The following UTS2B variants were observed in gnomAD, a reference collection of about 807,000 sequenced individuals.
The protein encoded by UTS2B is urotensin-2B.
UTS2B carries 21 observed loss-of-function variants against 19.2 expected under a neutral mutation model. The observed-to-expected ratio is 1.09, with a 90% CI of 0.78 to 1.58. The LOEUF (loss-of-function observed/expected upper bound fraction) is 1.58. Among genes scored for constraint, UTS2B ranks in the 40% most tolerant of loss-of-function variants. UTS2B has a pLI of 0.00. For synonymous variants in UTS2B, 57 were observed against 50.2 expected (o/e 1.14, Z -0.58); for missense variants, 138 against 130.3 (o/e 1.06, Z -0.29).
In UTS2B at chr3:191,282,148, TAGGAGTCCAA is replaced by T. The variant is rs781483481; in HGVS notation, c.32_41del (p.Phe11Ter). 5.0e-6 allele frequency: 8 copies of T among 1,613,482 alleles called. No individual in the cohort carries two copies. In the South Asian group the frequency reaches 8.8e-5, roughly 18 times the overall value. On this transcript the variant is annotated frameshift_variant, in exon 5 of 9. Transcript: ENST00000340524. LOFTEE classifies it high-confidence loss of function. ...AAAAACTCAACACGGATAACAAAGT[TAGGAGTCCAA>T]AGCAAACAGTGCTTGAGAGGATCTT...
At chr3:191,332,861 T>A (rs904118866), upstream of UTS2B, among the ~76,000 whole-genome samples, 3 of 152,180 alleles carry the variant, frequency 2.0e-5, no homozygotes, top group Admixed American at 1.3e-4. Flanking sequence ...TTTAGCCCTC[T>A]CTAACCAAGA....
chr3:191,324,117 T>C (rs1404990258), intron 2 of UTS2B, among the ~76,000 whole-genome samples: 3 of 152,110 alleles, frequency 2.0e-5, no homozygotes, highest in Admixed American at 6.5e-5. Flanking sequence ...TGGGTTCTCA[T>C]TGGAGTGGGA....
intron 8 of UTS2B, among the ~76,000 whole-genome samples, chr3:191,270,384 G>A (rs941514279): frequency 3.9e-5 from 6 of 152,142 alleles, no homozygotes; most frequent in African/African-American, 1.4e-4. Flanking sequence ...TTGTTGTAGA[G>A]ACACAGCCTC....
At chr3:191,329,761 C>T (rs764136372) in intron 1 of UTS2B, 7 of 1,592,360 alleles carry the variant, frequency 4.4e-6, no homozygotes, top group East Asian at 2.3e-5. Flanking sequence ...GGACCCTCCC[C>T]TCTCCCAGCC....
intron 8 of UTS2B, chr3:191,273,459 T>C (rs1560131760): frequency 2.2e-6 from 1 of 456,690 alleles, no homozygotes; most frequent in Admixed American, 2.3e-5. Flanking sequence ...ATGATGTGTG[T>C]CCCTTCCGAA....
chr3:191,330,957 A>T (rs2108625038), upstream of UTS2B, among the ~76,000 whole-genome samples: 1 of 152,256 alleles, frequency 6.6e-6, no homozygotes, highest in African/African-American at 2.4e-5. Context: ...ATACTTTTCT[A>T]CCTTTCCGTC....
intron 4 of UTS2B, among the ~76,000 whole-genome samples, chr3:191,288,260 A>T (rs1716610969): frequency 6.6e-6 from 1 of 152,200 alleles, no homozygotes; most frequent in Non-Finnish European, 1.5e-5. Context: ...TTTGTACAGA[A>T]ATAGAAATAA....
chr3:191,281,216 T>C (rs896623598), intron 5 of UTS2B, among the ~76,000 whole-genome samples: 1 of 152,118 alleles, frequency 6.6e-6, no homozygotes, highest in Non-Finnish European at 1.5e-5. Context: ...GAAAAGGTTA[T>C]CTCCCTCTTC....
intron 4 of UTS2B, among the ~76,000 whole-genome samples, chr3:191,304,232 A>G (rs1333148670): frequency 6.6e-6 from 1 of 152,194 alleles, no homozygotes; most frequent in African/African-American, 2.4e-5. Context: ...TGTTGGGATT[A>G]CAGGCGTGAG....
chr3:191,332,940 G>A (rs1300460553), upstream of UTS2B, among the ~76,000 whole-genome samples: 3 of 152,188 alleles, frequency 2.0e-5, no homozygotes, highest in Non-Finnish European at 4.4e-5. Flanking sequence ...AAGCATTAGA[G>A]CTTTACCACT....
chr3:191,322,942 A>T lies in UTS2B; in HGVS notation c.-586+5689T>A, dbSNP rs1159135271. Among the ~76,000 whole-genome samples, 6 of 152,300 alleles carry T rather than the reference A, an allele frequency of 3.9e-5. No individual in the cohort carries two copies. In the East Asian group the frequency reaches 1.2e-3, roughly 29 times the overall value. On this transcript the variant is annotated intron_variant, in intron 2 of 8. Coordinates refer to ENST00000340524, the MANE Select transcript of UTS2B (RefSeq NM_198152.5). Reference sequence around the variant, plus strand: ...CCCACCATCCAGAAACTAAAAGGTAACAATTGGAACAGAAGAAAGCCCCAC... The same window carrying T: ...CCCACCATCCAGAAACTAAAAGGTATCAATTGGAACAGAAGAAAGCCCCAC...
At chr3:191,286,926 A>G (rs1279168375) in intron 4 of UTS2B, among the ~76,000 whole-genome samples, 1 of 152,114 alleles carries the variant, frequency 6.6e-6, no homozygotes, top group Non-Finnish European at 1.5e-5. Context: ...GTAATAGAAA[A>G]AAAAAATTGA....
chr3:191,268,946 T>C (rs565163827), intron 8 of UTS2B, among the ~76,000 whole-genome samples: 210 of 152,350 alleles, frequency 1.4e-3, no homozygotes, highest in Non-Finnish European at 1.9e-3. Flanking sequence ...CAAAATGATA[T>C]TTAAATAACT....
At chr3:191,286,219 T>C (rs1716540156) in intron 4 of UTS2B, among the ~76,000 whole-genome samples, 1 of 152,148 alleles carries the variant, frequency 6.6e-6, no homozygotes. Flanking sequence ...AATGAACAGA[T>C]TGTACAGACA....
chr3:191,275,178 C>T (rs1233853108), intron 8 of UTS2B, 74 bp downstream of exon 8: 1 of 1,166,294 alleles, frequency 8.6e-7, no homozygotes, highest in Non-Finnish European at 1.2e-6. Context: ...CCAACTGAAT[C>T]TTCTTCCTCT....
In UTS2B at chr3:191,275,279, G is replaced by A. The variant is rs1412403339; in HGVS notation, c.307C>T (p.Leu103=). Residue 103 remains leucine, a synonymous_variant, in exon 8 of 9, where the codon CTA becomes TTA. Transcript: ENST00000340524. The part of the protein sequence containing the change: ...DSETSYAVDG[L]FSSHPSKRAC... ...CGTTTGCTAGGATGAGAAGAGAATA[G>A]ACCATCTACAGCATAGGACGTCTCA... 9.3e-6 allele frequency: 15 copies of A among 1,613,156 alleles called. No individual in the cohort carries two copies. The highest frequency in any genetic ancestry group is 6.7e-5 in the Admixed American group (4 of 59,970).
At chr3:191,283,031 T>A (rs1716432386) in intron 4 of UTS2B, among the ~76,000 whole-genome samples, 1 of 152,172 alleles carries the variant, frequency 6.6e-6, no homozygotes, top group African/African-American at 2.4e-5. Context: ...ATCTTGGCAT[T>A]TACTTGTCCC....
intron 4 of UTS2B, among the ~76,000 whole-genome samples, chr3:191,302,770 T>C (rs1051722847): frequency 4.6e-5 from 7 of 152,236 alleles, no homozygotes; most frequent in African/African-American, 1.7e-4. Flanking sequence ...AGAAAAATTA[T>C]GCCCCAGAAT....
chr3:191,295,739 C>A (rs77599221), intron 4 of UTS2B, among the ~76,000 whole-genome samples: 1 of 151,942 alleles, frequency 6.6e-6, no homozygotes, highest in Non-Finnish European at 1.5e-5. Flanking sequence ...TAGAAAATGG[C>A]ATGACCATTT....
Sources: gnomAD v4.1 joint callset for allele counts (sites outside exome capture counted in the v4.1 genomes callset) on GRCh38, gnomAD v4.1.1 for gene constraint, MANE v1.5 for transcripts, NCBI Gene and HGNC (gene_info 2026-07-23, HGNC 2026-07-21) for gene names.